Variants in ADAMTSL2 observed in about 807,000 individuals in gnomAD.
The protein encoded by ADAMTSL2 is ADAMTS like 2, also known as ADAMTS-like protein 2.
Under a neutral mutation model 117.0 loss-of-function variants are expected in ADAMTSL2, and 55 were observed. The ratio of observed to expected loss-of-function variants is 0.47; its 90% CI spans 0.38 to 0.59. The LOEUF is 0.59. ADAMTSL2 is among the 20% of genes least tolerant of loss of function. The probability of loss-of-function intolerance (pLI) is 0.00; values close to 1 mark genes in which losing one functional copy is unlikely to be tolerated. For missense variants in ADAMTSL2, 1,182 were observed against 1,354.5 expected (o/e 0.87, Z 2.00); for synonymous variants, 572 against 566.4 (o/e 1.01, Z -0.14).
chr9:133,565,322 C>T (rs984046819), intron 12 of ADAMTSL2, among the ~76,000 whole-genome samples: 7 of 152,180 alleles, frequency 4.6e-5, no homozygotes, highest in East Asian at 1.9e-4. Flanking sequence ...GTCACGGTCA[C>T]GTCACCCCAG....
At position 133,538,352 on chromosome 9, in the gene ADAMTSL2, G is replaced by T. The variant is rs764375292; in HGVS notation, c.237G>T (p.Arg79Ser). ...SQERHCLQQR[R>S]KSVPGPGNRT... Reference sequence around the variant, plus strand: ...CGAGCCTGCATCTTTCTGCCAGGAGGAAGTCCGTCCCGGGCCCCGGGAACA... The same window carrying T: ...CGAGCCTGCATCTTTCTGCCAGGAGTAAGTCCGTCCCGGGCCCCGGGAACA... The change falls in exon 4 of 19, where the codon AGG (arginine) becomes AGT (serine). Residue 79 changes from arginine to serine, a missense_variant. This residue lies in a region of ADAMTSL2 where 372 missense variants were observed against 463.4 expected (regional missense o/e 0.80). Coordinates refer to ENST00000651351, the MANE Select transcript of ADAMTSL2 (RefSeq NM_014694.4). The T allele has an allele frequency of 3.1e-6, 5 of 1,613,306 alleles. No individual in the cohort carries two copies. In the African/African-American group the frequency reaches 6.7e-5, roughly 22 times the overall value.
chr9:133,555,647 A>G lies in ADAMTSL2; in HGVS notation c.1366A>G (p.Asn456Asp). 1.2e-6 allele frequency: 2 copies of G among 1,613,726 alleles called. No individual in the cohort carries two copies. The highest frequency in any genetic ancestry group is 1.7e-6 in the Non-Finnish European group (2 of 1,180,024). Residue 456 changes from asparagine to aspartate, a missense_variant, in exon 11 of 19, where the codon AAC becomes GAC. Asn to Asp is a conservative substitution (Grantham distance 23). Transcript: ENST00000651351. Reference protein sequence around the residue: ...HFASQEFFSANAISDQLLGAG... With the variant: ...HFASQEFFSADAISDQLLGAG... ...CGCCTCCCAGGAGTTCTTCTCGGCT[A>G]ACGCCATCTCTGACCAGCTGCTGGG...
At chr9:133,567,835 TC>T (rs765211539) in intron 13 of ADAMTSL2, among the ~76,000 whole-genome samples, 2 of 152,186 alleles carry the variant, frequency 1.3e-5, no homozygotes, top group Non-Finnish European at 2.9e-5. Context: ...CTGGAAGACT[TC>T]CGGGTCTCAC....
At chr9:133,541,703 C>T (rs111769965) in intron 7 of ADAMTSL2, among the ~76,000 whole-genome samples, 11,489 of 152,246 alleles carry the variant, frequency 0.075, 633 homozygotes, top group Non-Finnish European at 0.12. Context: ...GGCTCCCTGT[C>T]GGCTCCAGGC....
chr9:133,543,786 C>G (rs1830282381), intron 7 of ADAMTSL2, among the ~76,000 whole-genome samples: 1 of 152,264 alleles, frequency 6.6e-6, no homozygotes, highest in Non-Finnish European at 1.5e-5. Flanking sequence ...CCAGGCTCCT[C>G]TCTCAGCCAC....
In ADAMTSL2 at chr9:133,537,517, C is replaced by T; in HGVS notation, c.203C>T (p.Thr68Ile). Residue 68 changes from threonine (T) to isoleucine (I), a missense_variant, in exon 3 of 19, where the codon ACA becomes ATA. Physicochemically the swap from Thr to Ile is moderately conservative, Grantham distance 89. Transcript: ENST00000651351. ...TCCCGCAGTTGCGGGGGTGGGGTGA[C>T]ATCCCAGGAGCGGCACTGCCTGCAG... Reference protein sequence around the residue: ...ACSRSCGGGVTSQERHCLQQR... With the variant: ...ACSRSCGGGVISQERHCLQQR... 1 of 1,349,782 alleles carries T rather than the reference C, an allele frequency of 7.4e-7. No individual in the cohort carries two copies. Among genetic ancestry groups the T allele is most frequent in the Non-Finnish European group, 9.6e-7 (1 of 1,041,972 alleles). The allele number at this position is 1,349,782 out of a possible 1,614,324, so 83.6% of individuals were successfully genotyped here.
At position 133,549,455 on chromosome 9, in the gene ADAMTSL2, G is replaced by A. The variant is rs184475402; in HGVS notation, c.939+2242G>A. ...TTTTGTCCAGTTATCATCACAAGGG[G>A]CAGGGGGATACCAAGAGATGCCCAG... On this transcript the variant is annotated intron_variant, in intron 9 of 18. Transcript: ENST00000651351. Among the ~76,000 whole-genome samples the A allele has an allele frequency of 2.6e-4, 40 of 152,180 alleles. No individual in the cohort carries two copies. In the East Asian group the frequency reaches 6.4e-3, roughly 24 times the overall value.
rs1342175574 is a variant in ADAMTSL2, at chr9:133,573,882, G to A, written c.2632G>A (p.Val878Ile). ...TCGVGVRMRD[V>I]KCYQGTDIVR... ...CGGGGTGGGCGTGAGGATGCGAGAC[G>A]TCAAGTGCTACCAGGGGACCGACAT... Residue 878 changes from valine (V) to isoleucine (I), a missense_variant, in exon 18 of 19, where the codon GTC (valine) becomes ATC (isoleucine). Physicochemically the swap from Val to Ile is conservative, Grantham distance 29. This residue lies in a region of ADAMTSL2 where 465 missense variants were observed against 565.3 expected (regional missense o/e 0.82). Coordinates refer to ENST00000651351, the MANE Select transcript of ADAMTSL2 (RefSeq NM_014694.4). 38 of 1,614,020 alleles carry A rather than the reference G, an allele frequency of 2.4e-5. No individual in the cohort carries two copies. Among genetic ancestry groups the A allele is most frequent in the South Asian group, 3.3e-5 (3 of 91,080 alleles).
intron 4 of ADAMTSL2, among the ~76,000 whole-genome samples, chr9:133,538,769 C>T (rs1830117187): frequency 1.3e-5 from 2 of 152,188 alleles, no homozygotes; most frequent in Non-Finnish European, 2.9e-5. Flanking sequence ...CACAGAGACC[C>T]AGCAGTTGCC....
intron 3 of ADAMTSL2, among the ~76,000 whole-genome samples, chr9:133,537,780 G>A (rs535415711): frequency 2.4e-4 from 36 of 152,340 alleles, no homozygotes; most frequent in Middle Eastern, 3.4e-3. Context: ...GCCCTTTCAC[G>A]AGAGGGCAGG....
At chr9:133,559,040 A>T (rs7847448) in intron 11 of ADAMTSL2, among the ~76,000 whole-genome samples, 16 of 152,022 alleles carry the variant, frequency 1.1e-4, no homozygotes, top group South Asian at 2.1e-4. Context: ...GGCTCAGAGC[A>T]TGTAATTAGA....
chr9:133,551,196 A>C (rs149842258), intron 9 of ADAMTSL2, among the ~76,000 whole-genome samples: 82 of 152,260 alleles, frequency 5.4e-4, no homozygotes, highest in African/African-American at 1.9e-3. Context: ...ATGGGGCTTT[A>C]GTGAAGTAGA....
intron 11 of ADAMTSL2, 133 bp from the exon 12 acceptor site, chr9:133,561,065 G>C: frequency 1.3e-6 from 1 of 781,470 alleles, no homozygotes; most frequent in South Asian, 1.5e-5. Flanking sequence ...TGGAGGGTCG[G>C]CCCGGGGCTC....
At chr9:133,548,845 T>C (rs9776980) in intron 9 of ADAMTSL2, among the ~76,000 whole-genome samples, 128,639 of 152,188 alleles carry the variant, frequency 0.85, 55,133 homozygotes, top group Non-Finnish European at 0.92. Context: ...AGCTTGGACC[T>C]ATGCGCTTTG....
chr9:133,568,814 T>G, intron 15 of ADAMTSL2, 56 bp downstream of exon 15: 4 of 1,609,898 alleles, frequency 2.5e-6, no homozygotes, highest in Non-Finnish European at 3.4e-6. Context: ...GACCCAGAGC[T>G]TTGCCTTGAT....
intron 13 of ADAMTSL2, 127 bp downstream of exon 13, chr9:133,567,189 C>T (rs1209028420): frequency 1.3e-5 from 16 of 1,243,998 alleles, no homozygotes; most frequent in African/African-American, 4.4e-5. Flanking sequence ...GGGGGCTCTT[C>T]GAGGAGGGGC....
At chr9:133,564,249 GGA>G (rs1185794119) in intron 12 of ADAMTSL2, among the ~76,000 whole-genome samples, 17 of 10,938 alleles carry the variant, frequency 1.6e-3, no homozygotes, top group East Asian at 2.7e-3. Flanking sequence ...AGAGAAAGAG[GGA>G]GAGAGAGAGG....
intron 11 of ADAMTSL2, among the ~76,000 whole-genome samples, chr9:133,556,427 C>CA (rs1830606959): frequency 1.3e-5 from 2 of 152,226 alleles, no homozygotes; most frequent in African/African-American, 4.8e-5. Flanking sequence ...TCATGGCACA[C>CA]ACGCCTGTAG....
chr9:133,538,504 T>A, intron 4 of ADAMTSL2, 80 bp downstream of exon 4: 2 of 1,506,610 alleles, frequency 1.3e-6, no homozygotes, highest in Non-Finnish European at 1.8e-6. Context: ...TCCAGGTGGC[T>A]CCTGGGCATT....
Sources: gnomAD v4.1 joint callset for allele counts (sites outside exome capture counted in the v4.1 genomes callset) on GRCh38, gnomAD v4.1.1 for gene constraint, gnomAD v4.1.1 regional missense constraint, MANE v1.5 for transcripts, NCBI Gene and HGNC (gene_info 2026-07-23, HGNC 2026-07-21) for gene names.